The following SAMD12 variants were observed in gnomAD, a reference collection of about 807,000 sequenced individuals.
SAMD12 encodes sterile alpha motif domain containing 12, also known as sterile alpha motif domain-containing protein 12.
In SAMD12, 9 loss-of-function variants were observed where a neutral mutation model predicts 15.0. That is an observed-to-expected ratio of 0.60 (90% CI 0.36 to 1.05). SAMD12 has a LOEUF of 1.05. Among genes scored for constraint, SAMD12 ranks in the 50% least tolerant of loss-of-function variants. The pLI is 0.01. For synonymous variants in SAMD12, 86 were observed against 90.1 expected, an observed-to-expected ratio of 0.96 and a Z score of 0.25; for missense variants, 230 against 234.2, an observed-to-expected ratio of 0.98 and a Z score of 0.12.
At chr8:118,133,241 A>G in the SAMD12 span, among the ~76,000 whole-genome samples, 2 of 151,868 alleles carry the variant, frequency 1.3e-5, no homozygotes, top group Admixed American at 6.6e-5. Flanking sequence ...TGTAGAAGGC[A>G]TTCAATAAAT....
Position 118,382,770 on chromosome 8 carries a change from C to T in SAMD12, c.323-3070G>A, listed in dbSNP as rs750586380. 6.6e-5 allele frequency among the ~76,000 whole-genome samples: 10 copies of T among 152,072 alleles called. No individual in the cohort carries two copies. In the East Asian group the frequency reaches 7.7e-4, roughly 12 times the overall value. On this transcript the variant is annotated intron_variant, in intron 3 of 3. Transcript: ENST00000314727. ...ATTTTTCCCACTCTATATTCAGTTG[C>T]GCTTTATCTTCCTTGGTAGGAAAAT... is the stretch of plus-strand genomic sequence containing the variant.
chr8:118,491,912 G>A (rs1049503246), intron 2 of SAMD12, among the ~76,000 whole-genome samples: 8 of 152,222 alleles, frequency 5.3e-5, no homozygotes, highest in African/African-American at 9.6e-5. Flanking sequence ...GAATATTCAC[G>A]TACAAGTCTT....
intron 4 of SAMD12, among the ~76,000 whole-genome samples, chr8:118,357,645 G>A (rs1243060663): frequency 6.6e-6 from 1 of 152,128 alleles, no homozygotes; most frequent in Non-Finnish European, 1.5e-5. Context: ...ATATCACATT[G>A]TACCCCCAAA....
rs1242452351 is a variant in SAMD12, at chr8:118,378,092, T to A, written c.*1325A>T. Reference sequence around the variant, plus strand: ...TATGGTTTTTACAAAATTGGGCTTATATTATGCATACAATTTTACACATGA... The same window carrying A: ...TATGGTTTTTACAAAATTGGGCTTAAATTATGCATACAATTTTACACATGA... On this transcript the variant is annotated 3_prime_UTR_variant, in exon 4 of 4. Coordinates refer to ENST00000314727, the MANE Select transcript of SAMD12 (RefSeq NM_207506.3). 1 of 152,278 alleles carries A rather than the reference T, an allele frequency of 6.6e-6. No individual in the cohort carries two copies. The highest frequency in any genetic ancestry group is 1.5e-5 in the Non-Finnish European group (1 of 68,072). The allele number at this position is 152,278 out of a possible 1,614,324, so 9.4% of individuals were successfully genotyped here. A position where few individuals can be genotyped will look rare whatever the true frequency, so the allele number is the denominator to read the frequency against.
At chr8:118,460,255 A>G (rs553321227) in intron 2 of SAMD12, among the ~76,000 whole-genome samples, 3 of 152,206 alleles carry the variant, frequency 2.0e-5, no homozygotes, top group Non-Finnish European at 4.4e-5. Context: ...GTACTGTTTG[A>G]TGGGTAAAGT....
the SAMD12 span, among the ~76,000 whole-genome samples, chr8:118,148,487 A>T: frequency 6.6e-6 from 1 of 152,218 alleles, no homozygotes; most frequent in Non-Finnish European, 1.5e-5. Flanking sequence ...TGGAAAGTAA[A>T]ATCGTACAAA....
chr8:118,302,903 A>G (rs536291305), intron 4 of SAMD12, among the ~76,000 whole-genome samples: 2 of 152,312 alleles, frequency 1.3e-5, no homozygotes, highest in South Asian at 2.1e-4. Context: ...AAATTCTCAT[A>G]TATCTTTTCT....
chr8:118,593,514 T>C (rs1396716475), intron 1 of SAMD12, among the ~76,000 whole-genome samples: 2 of 152,230 alleles, frequency 1.3e-5, no homozygotes, highest in African/African-American at 2.4e-5. Flanking sequence ...TATGTTTTTT[T>C]AATTTAAAAT....
chr8:118,516,854 G>C (rs1448214120), intron 2 of SAMD12, among the ~76,000 whole-genome samples: 1 of 152,034 alleles, frequency 6.6e-6, no homozygotes, highest in East Asian at 1.9e-4. Context: ...GCCCAGGCTG[G>C]TCTCGAACTC....
chr8:118,493,967 T>C (rs1244574320), intron 2 of SAMD12, among the ~76,000 whole-genome samples: 19 of 152,326 alleles, frequency 1.2e-4, no homozygotes, highest in Non-Finnish European at 1.5e-5. Flanking sequence ...TCCTGTCTCC[T>C]TGCCAACTAC....
chr8:118,154,673 T>C, the SAMD12 span, among the ~76,000 whole-genome samples: 1 of 152,190 alleles, frequency 6.6e-6, no homozygotes, highest in Admixed American at 6.5e-5. Flanking sequence ...ACCAAGAATC[T>C]ATATAGCCGT....
chr8:118,511,628 T>C (rs537476103), intron 2 of SAMD12, among the ~76,000 whole-genome samples: 8 of 152,130 alleles, frequency 5.3e-5, no homozygotes, highest in South Asian at 4.1e-4. Context: ...CAAGCTTCTA[T>C]AGCAAGCTTT....
At chr8:118,292,528 T>G (rs924534862) in intron 4 of SAMD12, among the ~76,000 whole-genome samples, 4 of 152,140 alleles carry the variant, frequency 2.6e-5, no homozygotes, top group African/African-American at 9.6e-5. Context: ...AAATACCATT[T>G]GACCCAACCA....
chr8:118,200,210 T>G (rs1001492032), intron 4 of SAMD12, among the ~76,000 whole-genome samples: 19 of 151,952 alleles, frequency 1.3e-4, no homozygotes, highest in Admixed American at 4.6e-4. Flanking sequence ...ATTTACCCAG[T>G]CTGGTATGTC....
At chr8:118,164,370 C>T in the SAMD12 span, among the ~76,000 whole-genome samples, 286 of 152,230 alleles carry the variant, frequency 1.9e-3, no homozygotes, top group Middle Eastern at 6.8e-3. Flanking sequence ...GTTAGCCACC[C>T]ACGCCACTGT....
At chr8:118,444,196 C>T (rs769218143) in intron 2 of SAMD12, among the ~76,000 whole-genome samples, 8 of 152,090 alleles carry the variant, frequency 5.3e-5, no homozygotes, top group Non-Finnish European at 1.2e-4. Flanking sequence ...AAGAAAAAAA[C>T]ATCCTGCCCA....
At chr8:118,377,458 T>A (rs1201180704), downstream of SAMD12, among the ~76,000 whole-genome samples, 1 of 151,784 alleles carries the variant, frequency 6.6e-6, no homozygotes, top group East Asian at 1.9e-4. Flanking sequence ...AAAGGTAATA[T>A]CAGCACAGAC....
At chr8:118,161,970 G>T in the SAMD12 span, among the ~76,000 whole-genome samples, 1 of 151,752 alleles carries the variant, frequency 6.6e-6, no homozygotes, top group Non-Finnish European at 1.5e-5. Flanking sequence ...GACCAGCCTG[G>T]ACAACATGGT....
chr8:118,211,168 C>A (rs897516873), intron 4 of SAMD12, among the ~76,000 whole-genome samples: 57 of 152,338 alleles, frequency 3.7e-4, no homozygotes, highest in African/African-American at 1.3e-3. Flanking sequence ...CTTATCCCCC[C>A]ATCTAGTTAC....
Sources: gnomAD v4.1 joint callset for allele counts (sites outside exome capture counted in the v4.1 genomes callset) on GRCh38, gnomAD v4.1.1 for gene constraint, MANE v1.5 for transcripts, NCBI Gene and HGNC (gene_info 2026-07-23, HGNC 2026-07-21) for gene names.